Variants in IRS1 observed in about 807,000 individuals in gnomAD.
The protein encoded by IRS1 is insulin receptor substrate 1.
Under a neutral mutation model 65.6 loss-of-function variants are expected in IRS1, and 34 were observed. That is an observed-to-expected ratio of 0.52 (90% CI 0.39 to 0.69). The LOEUF is 0.69. IRS1 is among the 30% of genes least tolerant of loss of function. IRS1 has a pLI of 0.00. For synonymous variants in IRS1, 699 were observed against 683.5 expected (o/e 1.02, Z -0.35); for missense variants, 1,641 against 1,720.2 (o/e 0.95, Z 0.81).
intron 1 of IRS1, among the ~76,000 whole-genome samples, chr2:226,791,041 C>T (rs1939582902): frequency 6.6e-6 from 1 of 152,174 alleles, no homozygotes; most frequent in South Asian, 2.1e-4. Context: ...GCTGCAGTCC[C>T]GTCTTTCATT....
At chr2:226,791,671 A>AGCCCC (rs1471119904) in intron 1 of IRS1, among the ~76,000 whole-genome samples, 1 of 151,606 alleles carries the variant, frequency 6.6e-6, no homozygotes, top group African/African-American at 2.4e-5. Flanking sequence ...ACCCGCGGAG[A>AGCCCC]GCCCCGCCCC....
In IRS1 at chr2:226,797,037, G is replaced by C. The variant is rs1939744530; in HGVS notation, c.1702C>G (p.Leu568Val). The C allele has an allele frequency of 6.2e-7, 1 of 1,607,760 alleles. No homozygotes were observed. Among genetic ancestry groups the C allele is most frequent in the Non-Finnish European group, 8.5e-7 (1 of 1,175,800 alleles). Residue 568 changes from leucine to valine, a missense_variant, in exon 1 of 2, where the codon CTG (leucine) becomes GTG (valine). By Grantham distance (32) the Leu-to-Val change is conservative. This residue lies in a region of IRS1 where 1,324 missense variants were observed against 1,361.0 expected (regional missense o/e 0.97). Coordinates refer to ENST00000305123, the MANE Select transcript of IRS1 (RefSeq NM_005544.3). This position sits in a 1 kb window ranked among gnomAD's most constrained non-coding sequence, Gnocchi z 8.1. The stretch of plus-strand genomic sequence containing the variant: ...AAGGCGGAGTGCCTGTGTCCCGGCA[G>C]TCGGCCTCCACTGCCACCTCCTGGT... Reference protein sequence around the residue: ...YPPGGGSGGRLPGHRHSAFVP... With the variant: ...YPPGGGSGGRVPGHRHSAFVP...
intron 1 of IRS1, among the ~76,000 whole-genome samples, chr2:226,773,738 C>T (rs1300321763): frequency 6.6e-6 from 1 of 152,070 alleles, no homozygotes; most frequent in African/African-American, 2.4e-5. Flanking sequence ...TACACCATCG[C>T]CTGCCCCTTT....
At chr2:226,766,155 A>ATT (rs1247603503) in intron 1 of IRS1, among the ~76,000 whole-genome samples, 2 of 5,498 alleles carry the variant, frequency 3.6e-4, no homozygotes, top group African/African-American at 1.0e-3. Context: ...ATATATATAT[A>ATT]TATATATATT....
rs1938219267 is a variant in IRS1, at chr2:226,731,435, A to G, written c.*4837T>C. Reference sequence around the variant, plus strand: ...CAGTTTTCTTTAATTGATGATGAAGACACTACAATTCTAAGTACCAGACAG... The same window carrying G: ...CAGTTTTCTTTAATTGATGATGAAGGCACTACAATTCTAAGTACCAGACAG... On this transcript the variant is annotated 3_prime_UTR_variant, in exon 2 of 2. Coordinates refer to ENST00000305123, the MANE Select transcript of IRS1 (RefSeq NM_005544.3). The G allele has an allele frequency of 6.6e-6, 1 of 152,212 alleles. No individual in the cohort carries two copies. The highest frequency in any genetic ancestry group is 6.5e-5 in the Admixed American group (1 of 15,282). The allele number at this position is 152,212 out of a possible 1,614,324, so 9.4% of individuals were successfully genotyped here.
intron 1 of IRS1, among the ~76,000 whole-genome samples, chr2:226,777,273 T>C (rs1939293263): frequency 6.6e-6 from 1 of 152,202 alleles, no homozygotes; most frequent in African/African-American, 2.4e-5. Flanking sequence ...GTACTGTCTT[T>C]GGGATAATTC....
intron 1 of IRS1, among the ~76,000 whole-genome samples, chr2:226,748,064 G>A (rs1034088754): frequency 6.6e-6 from 1 of 151,122 alleles, no homozygotes; most frequent in Non-Finnish European, 1.5e-5. Context: ...TGAACAAGGA[G>A]ACACATTACT....
rs2106155312 is a variant in IRS1, at chr2:226,734,244, A to C, written c.*2028T>G. On this transcript the variant is annotated 3_prime_UTR_variant, in exon 2 of 2. Transcript: ENST00000305123. ...AAAACAACTTTCATATCAGATTTTCAAAATGGGTAGTGCTCTCTACTAATA... is the reference window on the plus strand; with the variant it reads ...AAAACAACTTTCATATCAGATTTTCCAAATGGGTAGTGCTCTCTACTAATA... The C allele has an allele frequency of 6.6e-6, 1 of 152,340 alleles. No individual in the cohort carries two copies. Among genetic ancestry groups the C allele is most frequent in the Middle Eastern group, 3.4e-3 (1 of 294 alleles). The allele number at this position is 152,340 out of a possible 1,614,324, so 9.4% of individuals were successfully genotyped here. A position where few individuals can be genotyped will look rare whatever the true frequency, so the allele number is the denominator to read the frequency against.
chr2:226,750,425 G>A (rs1437529117), intron 1 of IRS1, among the ~76,000 whole-genome samples: 4 of 151,886 alleles, frequency 2.6e-5, no homozygotes, highest in African/African-American at 9.7e-5. Flanking sequence ...AAAACAAGGT[G>A]ATATTCAACA....
chr2:226,736,822 G>A (rs936653221), intron 1 of IRS1, among the ~76,000 whole-genome samples: 5 of 152,250 alleles, frequency 3.3e-5, no homozygotes, highest in South Asian at 4.1e-4. Flanking sequence ...TCAGATTTAC[G>A]TCTAATAGAA....
chr2:226,747,684 T>TC (rs1470578698), intron 1 of IRS1, among the ~76,000 whole-genome samples: 1 of 152,120 alleles, frequency 6.6e-6, no homozygotes, highest in East Asian at 1.9e-4. Context: ...ACAGAAGCCA[T>TC]CCATCTGGCC....
At position 226,795,844 on chromosome 2, in the gene IRS1, C is replaced by G; in HGVS notation, c.2895G>C (p.Leu965=). 6.2e-7 allele frequency: 1 copy of G among 1,613,374 alleles called. No homozygotes were observed. The highest frequency in any genetic ancestry group is 2.2e-5 in the East Asian group (1 of 44,878). The change falls in exon 1 of 2, where the codon CTG becomes CTC. Residue 965 remains leucine, a synonymous_variant. Transcript: ENST00000305123. The part of the protein sequence containing the change: ...QESTGVEMGR[L]GPAPPGAASI... The stretch of plus-strand genomic sequence containing the variant: ...TAGCAGCCCCGGGAGGTGCAGGGCC[C>G]AGTCTGCCCATCTCGACCCCAGTGC...
intron 1 of IRS1, among the ~76,000 whole-genome samples, chr2:226,764,859 G>A (rs1010040688): frequency 1.5e-4 from 23 of 152,194 alleles, no homozygotes; most frequent in Non-Finnish European, 2.5e-4. Context: ...TGTACCATAA[G>A]ACACTAATCA....
rs772277263 is a variant in IRS1 at position 226,798,614 on chromosome 2, G to C, written c.125C>G (p.Ala42Gly). 6.2e-7 allele frequency: 1 copy of C among 1,613,126 alleles called. No homozygotes were observed. Among genetic ancestry groups the C allele is most frequent in the Non-Finnish European group, 8.5e-7 (1 of 1,179,586 alleles). ...CTCGTTCTCGTAGTACTCGAGGCGC[G>C]CCGGGCCCCCAGCCTCGCTGGCCGC... ...LRAASEAGGP[A>G]RLEYYENEKK... The change falls in exon 1 of 2, where the codon GCG (alanine) becomes GGG (glycine). Residue 42 changes from alanine to glycine, a missense_variant. Coordinates refer to ENST00000305123, the MANE Select transcript of IRS1 (RefSeq NM_005544.3). The surrounding 1 kb of genome is among the most constrained non-coding windows in gnomAD (Gnocchi z 9.4).
chr2:226,767,912 C>T (rs1327993350), intron 1 of IRS1, among the ~76,000 whole-genome samples: 1 of 152,076 alleles, frequency 6.6e-6, no homozygotes, highest in Non-Finnish European at 1.5e-5. Flanking sequence ...GGTGAGTGGT[C>T]CAGGCACACA....
chr2:226,739,520 G>T (rs1433026280), intron 1 of IRS1, among the ~76,000 whole-genome samples: 1 of 152,212 alleles, frequency 6.6e-6, no homozygotes, highest in African/African-American at 2.4e-5. Context: ...CAGCCAAAAA[G>T]CTTTGAGAGC....
chr2:226,780,852 T>C (rs867398137), intron 1 of IRS1, among the ~76,000 whole-genome samples: 9 of 152,228 alleles, frequency 5.9e-5, no homozygotes, highest in African/African-American at 1.9e-4. Flanking sequence ...TCAAAAAATA[T>C]CCACATTATT....
In IRS1 at chr2:226,795,596, T is replaced by A; in HGVS notation, c.3143A>T (p.Gln1048Leu). 1 of 1,612,628 alleles carries A rather than the reference T, an allele frequency of 6.2e-7. No homozygotes were observed. The highest frequency in any genetic ancestry group is 8.5e-7 in the Non-Finnish European group (1 of 1,179,788). ...GTGGGCAGCCAGCTCTGCTGCCCCT[T>A]GAGGCCCAGTCGGGGAAGCAGAGGC... ...SAASASPTGP[Q>L]GAAELAAHSS... Residue 1048 changes from glutamine to leucine, a missense_variant, in exon 1 of 2, where the codon CAA (glutamine) becomes CTA (leucine). Transcript: ENST00000305123.
chr2:226,785,130 C>T (rs1381165868), intron 1 of IRS1, among the ~76,000 whole-genome samples: 1 of 152,128 alleles, frequency 6.6e-6, no homozygotes, highest in Admixed American at 6.6e-5. Context: ...AAATATGAGA[C>T]ATTGGTATCC....
Sources: allele counts gnomAD v4.1 joint callset (sites outside exome capture counted in the v4.1 genomes callset), GRCh38; gene constraint gnomAD v4.1.1; regional missense constraint gnomAD v4.1.1; non-coding constraint Gnocchi (gnomAD v3.1); transcripts MANE v1.5; gene names NCBI Gene and HGNC (gene_info 2026-07-23, HGNC 2026-07-21).